ZNF831: variants seen among roughly 807,000 people sequenced by gnomAD.
ZNF831 encodes the protein zinc finger protein 831, also known as chromosome 20 open reading frame 174.
Under a neutral mutation model 95.8 loss-of-function variants are expected in ZNF831, and 59 were observed. The ratio of observed to expected loss-of-function variants is 0.62; its 90% CI spans 0.50 to 0.77. The LOEUF (loss-of-function observed/expected upper bound fraction) is 0.77, where lower values mean the gene tolerates loss of function less well. Among genes scored for constraint, ZNF831 ranks in the 30% least tolerant of loss-of-function variants. The probability of loss-of-function intolerance (pLI) is 0.00; values close to 1 mark genes in which losing one functional copy is unlikely to be tolerated. For missense variants in ZNF831, 2,205 were observed against 2,164.0 expected (o/e 1.02, Z -0.38); for synonymous variants, 961 against 925.5 (o/e 1.04, Z -0.70).
intron 2 of ZNF831, 90 bp from the exon 3 acceptor site, chr20:59,195,779 G>C: frequency 1.3e-6 from 2 of 1,521,164 alleles, no homozygotes; most frequent in East Asian, 2.3e-5. Flanking sequence ...CTGAAGACAG[G>C]CATCTTGTCT....
intron 3 of ZNF831, among the ~76,000 whole-genome samples, chr20:59,202,456 G>A (rs1984605015): frequency 6.7e-6 from 1 of 150,174 alleles, no homozygotes; most frequent in Non-Finnish European, 1.5e-5. Context: ...TTCCTTGTTT[G>A]TGTTAAAATT....
At chr20:59,162,679 T>C (rs1266266725), upstream of ZNF831, among the ~76,000 whole-genome samples, 4 of 152,222 alleles carry the variant, frequency 2.6e-5, no homozygotes, top group African/African-American at 9.7e-5. Flanking sequence ...AATACCATGC[T>C]GTGTTGGTTA....
intron 1 of ZNF831, among the ~76,000 whole-genome samples, chr20:59,185,641 G>A (rs1470192673): frequency 1.3e-5 from 2 of 152,144 alleles, no homozygotes; most frequent in Non-Finnish European, 2.9e-5. Flanking sequence ...AGAGCTCTGC[G>A]TGTGCCTCGT....
chr20:59,173,008 G>C (rs1401047197), intron 1 of ZNF831, among the ~76,000 whole-genome samples: 3 of 152,152 alleles, frequency 2.0e-5, no homozygotes, highest in South Asian at 2.1e-4. Flanking sequence ...GGCTTGTTGT[G>C]GTGGGTTCTG....
chr20:59,141,058 C>T (rs1467481152), intron 1 of ZNF831, among the ~76,000 whole-genome samples: 1 of 152,172 alleles, frequency 6.6e-6, no homozygotes, highest in African/African-American at 2.4e-5. Context: ...CACCACCACA[C>T]CTGGCTAATT....
At chr20:59,214,684 A>G (rs1238696655) in intron 4 of ZNF831, among the ~76,000 whole-genome samples, 1 of 152,242 alleles carries the variant, frequency 6.6e-6, no homozygotes, top group African/African-American at 2.4e-5. Context: ...CCATTAGAAA[A>G]AGCAATTGAA....
chr20:59,179,027 G>A (rs1982393234), intron 1 of ZNF831, among the ~76,000 whole-genome samples: 1 of 152,146 alleles, frequency 6.6e-6, no homozygotes, highest in Admixed American at 6.5e-5. Flanking sequence ...TTGAAGGGCG[G>A]GGGGTCCACC....
In ZNF831 at chr20:59,193,055, CT is replaced by C; in HGVS notation, c.2037del (p.Val680SerfsTer25). On this transcript the variant is annotated frameshift_variant, in exon 2 of 6. Transcript: ENST00000371030. LOFTEE classifies it high-confidence loss of function. Reference protein sequence around the residue: ...GTVPTQDRRTPVHEDISAGAT... With the variant: ...GTVPTQDRRTXVHEDISAGAT... ...GTCCCCACCCAAGACAGGAGGACCC[CT>C]GTCCATGAGGACATATCCGCAGGGG... 6.3e-7 allele frequency: 1 copy of C among 1,580,616 alleles called. No homozygotes were observed. Among genetic ancestry groups the C allele is most frequent in the Non-Finnish European group, 8.6e-7 (1 of 1,164,036 alleles).
intron 1 of ZNF831, among the ~76,000 whole-genome samples, chr20:59,146,030 G>A (rs1979842233): frequency 6.6e-6 from 1 of 152,070 alleles, no homozygotes; most frequent in African/African-American, 2.4e-5. Flanking sequence ...CCGTGTAGCT[G>A]CCGCCGCCCA....
chr20:59,252,169 TGGGTTGGCAG>T (rs1987923149), intron 4 of ZNF831, among the ~76,000 whole-genome samples: 1 of 152,182 alleles, frequency 6.6e-6, no homozygotes. Context: ...AAAAGATGGA[TGGGTTGGCAG>T]GGGTTGCAGT....
rs143157352 is a variant in ZNF831, at chr20:59,236,407, G to A, written c.4028-16571G>A. 2.0e-3 allele frequency among the ~76,000 whole-genome samples: 298 copies of A among 152,192 alleles called. 1 individual carries two copies. Among genetic ancestry groups the A allele is most frequent in the African/African-American group, 6.8e-3 (282 of 41,528 alleles). On this transcript the variant is annotated intron_variant, in intron 4 of 5. Transcript: ENST00000371030. ...TTGAAGAGCTTTCACCTTAAGGGCC[G>A]ATTCCTCTCCTCTGCATGAGGGGCC...
At chr20:59,231,734 C>A (rs1217570971) in intron 4 of ZNF831, among the ~76,000 whole-genome samples, 1 of 152,196 alleles carries the variant, frequency 6.6e-6, no homozygotes, top group Non-Finnish European at 1.5e-5. Flanking sequence ...CCACTGTCCG[C>A]CCCTTGCCGT....
chr20:59,186,058 G>A (rs1983005549), intron 1 of ZNF831, among the ~76,000 whole-genome samples: 1 of 152,200 alleles, frequency 6.6e-6, no homozygotes, highest in Non-Finnish European at 1.5e-5. Flanking sequence ...GGACATGGCT[G>A]CTCCCACAGG....
Position 59,252,983 on chromosome 20 carries a change from A to T in ZNF831, c.4033A>T (p.Asn1345Tyr). The T allele has an allele frequency of 6.2e-7, 1 of 1,613,738 alleles. No homozygotes were observed. The highest frequency in any genetic ancestry group is 1.3e-5 in the African/African-American group (1 of 75,028). The change falls in exon 5 of 6, where the codon AAT becomes TAT. Residue 1345 changes from asparagine (N) to tyrosine (Y), a missense_variant. Physicochemically the swap from Asn to Tyr is moderately radical, Grantham distance 143. Coordinates refer to ENST00000371030, the MANE Select transcript of ZNF831 (RefSeq NM_178457.3). ...ATGTGCCTCTCCCCTTGCAGGTCTG[A>T]ATCTGCAAGAGGAGCCATCTTGTGC... ...GQTSSEIAGL[N>Y]LQEEPSCATS...
intron 1 of ZNF831, among the ~76,000 whole-genome samples, chr20:59,137,768 G>A (rs1199354571): frequency 6.6e-6 from 1 of 152,214 alleles, no homozygotes; most frequent in African/African-American, 2.4e-5. Context: ...CAGTGCCCAT[G>A]TGTTCCCTGG....
intron 1 of ZNF831, among the ~76,000 whole-genome samples, chr20:59,136,442 T>C (rs531767872): frequency 1.3e-5 from 2 of 152,334 alleles, no homozygotes; most frequent in South Asian, 4.1e-4. Context: ...GTGGTTAGAA[T>C]TCTGCCTTCC....
chr20:59,172,693 C>T (rs1234033148), intron 1 of ZNF831, among the ~76,000 whole-genome samples: 1 of 152,118 alleles, frequency 6.6e-6, no homozygotes, highest in Non-Finnish European at 1.5e-5. Context: ...GTCAACCAAC[C>T]TAGGAAGCTG....
intron 4 of ZNF831, among the ~76,000 whole-genome samples, chr20:59,209,925 C>T (rs960367157): frequency 1.4e-4 from 22 of 152,168 alleles, no homozygotes; most frequent in Non-Finnish European, 2.4e-4. Flanking sequence ...CCTCACTAAA[C>T]GTGGGCTTAT....
At chr20:59,252,613 G>T (rs1364593870) in intron 4 of ZNF831, among the ~76,000 whole-genome samples, 1 of 152,120 alleles carries the variant, frequency 6.6e-6, no homozygotes, top group Non-Finnish European at 1.5e-5. Context: ...CGTCTATTCT[G>T]ACTACTTGGT....
Sources: gnomAD v4.1 joint callset for allele counts (sites outside exome capture counted in the v4.1 genomes callset) on GRCh38, gnomAD v4.1.1 for gene constraint, MANE v1.5 for transcripts, NCBI Gene and HGNC (gene_info 2026-07-23, HGNC 2026-07-21) for gene names.